The following SNX14 variants were observed in gnomAD, a reference collection of about 807,000 sequenced individuals.
SNX14 encodes sorting nexin 14.
A neutral mutation model predicts 133.8 loss-of-function variants in SNX14; 93 were observed. The observed-to-expected ratio is 0.70, with a 90% CI of 0.59 to 0.83. The LOEUF is 0.83. SNX14 is among the 40% of genes least tolerant of loss of function. The pLI is 0.00. For synonymous variants in SNX14, 368 were observed against 365.6 expected, an observed-to-expected ratio of 1.01 and a Z score of -0.07; for missense variants, 945 against 1,094.9, an observed-to-expected ratio of 0.86 and a Z score of 1.93.
chr6:85,574,375 A>G lies in SNX14; in HGVS notation c.144T>C (p.Tyr48=). 1.3e-6 allele frequency: 2 copies of G among 1,538,072 alleles called. No homozygotes were observed. Among genetic ancestry groups the G allele is most frequent in the Non-Finnish European group, 8.9e-7 (1 of 1,128,708 alleles). ...ACCAGAAGATCATTAAAATATGAAT[A>G]TACCTTAAAAATAAATGAAAATAAT... The part of the protein sequence containing the change: ...LSAASLLLNR[Y]IHILMIFWSF... Residue 48 remains tyrosine, a synonymous_variant, in exon 2 of 29, where the codon TAT becomes TAC. Coordinates refer to ENST00000314673, the MANE Select transcript of SNX14 (RefSeq NM_153816.6).
rs1784320998 is a variant in SNX14 at position 85,543,094 on chromosome 6, T to C, written c.1389+88A>G. On this transcript the variant is annotated intron_variant, in intron 14 of 28. Transcript: ENST00000314673. ...TCTTGTCTTATTTTTCTATTTATTT[T>C]GTTATTTGAATCACTCATCTAATGA... is the stretch of plus-strand genomic sequence containing the variant. The C allele has an allele frequency of 3.3e-6, 4 of 1,216,908 alleles. No homozygotes were observed. In the South Asian group the frequency reaches 6.7e-5, roughly 21 times the overall value. 75.4% of individuals were successfully genotyped at this position (1,216,908 alleles called of 1,614,324 possible).
intron 17 of SNX14, among the ~76,000 whole-genome samples, chr6:85,535,279 T>A (rs1011706815): frequency 1.3e-5 from 2 of 151,686 alleles, no homozygotes; most frequent in South Asian, 2.1e-4. Context: ...TTTCCCAAAG[T>A]ACTGAGATTA....
chr6:85,587,830 G>A (rs1801447886), intron 1 of SNX14, among the ~76,000 whole-genome samples: 2 of 152,168 alleles, frequency 1.3e-5, no homozygotes, highest in Admixed American at 6.5e-5. Context: ...TTTGAATAGA[G>A]CAATTATCAT....
At chr6:85,553,020 A>G (rs1788351942) in intron 7 of SNX14, among the ~76,000 whole-genome samples, 1 of 152,216 alleles carries the variant, frequency 6.6e-6, no homozygotes, top group Admixed American at 6.5e-5. Flanking sequence ...TTTTACATGT[A>G]ATTTTGCTTT....
At chr6:85,591,062 T>C (rs1019487559) in intron 1 of SNX14, among the ~76,000 whole-genome samples, 1 of 152,250 alleles carries the variant, frequency 6.6e-6, no homozygotes, top group East Asian at 1.9e-4. Flanking sequence ...CTCGGATTTC[T>C]GACTTCATAG....
chr6:85,591,220 CTGTG>C (rs5877943), intron 1 of SNX14, among the ~76,000 whole-genome samples: 10 of 150,390 alleles, frequency 6.6e-5, no homozygotes, highest in Admixed American at 1.3e-4. Flanking sequence ...CTCTTATCAT[CTGTG>C]TGTGTGTGTG....
In SNX14 at chr6:85,539,560, A is replaced by G. The variant is rs141864265; in HGVS notation, c.1449-696T>C. Among the ~76,000 whole-genome samples the G allele has an allele frequency of 2.7e-4, 41 of 152,330 alleles. 2 individuals carry two copies. The East Asian group carries it at 7.7e-3, about 29-fold the overall frequency. On this transcript the variant is annotated intron_variant, in intron 15 of 28. Transcript: ENST00000314673. ...ATGTAGACATAAAATATATGAATAC[A>G]TATTTTATGTAATTTAAGTCATGTA...
chr6:85,515,953 G>A (rs16876341), intron 23 of SNX14, among the ~76,000 whole-genome samples: 15,965 of 152,030 alleles, frequency 0.11, 1,184 homozygotes, highest in Admixed American at 0.23. Flanking sequence ...TAATCACTAA[G>A]GCTAAATAAA....
intron 1 of SNX14, among the ~76,000 whole-genome samples, chr6:85,588,116 C>T (rs1013057850): frequency 2.0e-5 from 3 of 151,846 alleles, no homozygotes; most frequent in Non-Finnish European, 2.9e-5. Flanking sequence ...ATAGTGAAAC[C>T]TCGTCTGTAC....
chr6:85,515,262 C>CAAAAAAAA (rs751549621), intron 23 of SNX14, among the ~76,000 whole-genome samples: 3 of 22,772 alleles, frequency 1.3e-4, no homozygotes, highest in African/African-American at 2.7e-4. Flanking sequence ...GCAAGACCGT[C>CAAAAAAAA]AAAAAAAAAA....
intron 6 of SNX14, chr6:85,561,210 C>T (rs1289545002): frequency 6.6e-6 from 1 of 151,246 alleles, no homozygotes; most frequent in African/African-American, 2.4e-5. Flanking sequence ...GGTAGTGGCA[C>T]ACGCCTATAA....
chr6:85,530,043 C>A, intron 19 of SNX14, 149 bp downstream of exon 19: 1 of 503,874 alleles, frequency 2.0e-6, no homozygotes, highest in South Asian at 3.1e-5. Flanking sequence ...ATAAACAGTA[C>A]ATTTCCGTTA....
At chr6:85,590,252 C>A (rs1305987762) in intron 1 of SNX14, among the ~76,000 whole-genome samples, 1 of 152,208 alleles carries the variant, frequency 6.6e-6, no homozygotes, top group Non-Finnish European at 1.5e-5. Flanking sequence ...AGGAACCCAA[C>A]TGCATATCCA....
chr6:85,513,788 T>A lies in SNX14; in HGVS notation c.2653+12A>T, dbSNP rs368212202. On this transcript the variant is annotated intron_variant, in intron 26 of 28. Transcript: ENST00000314673. The stretch of plus-strand genomic sequence containing the variant: ...ATCTATATGAAATTAAGTTACTTCT[T>A]AAATATTACACCTGGAATGTAATTC... 6 of 1,585,474 alleles carry A rather than the reference T, an allele frequency of 3.8e-6. No individual in the cohort carries two copies. The highest frequency in any genetic ancestry group is 2.2e-5 in the East Asian group (1 of 44,610).
chr6:85,547,151 CTT>C lies in SNX14; in HGVS notation c.1067_1068del (p.Gln356ArgfsTer17), dbSNP rs1562294408. ...AACTGCAACACGTGCACTGCGCCTT[CTT>C]GTTTCAGAAAGTTCATAAAACGAAA... Reference protein sequence around the residue: ...LLFRFMNFLKQEGAVHVLQFC... With the variant: ...LLFRFMNFLKXEGAVHVLQFC... On this transcript the variant is annotated frameshift_variant, in exon 12 of 29. Transcript: ENST00000314673. LOFTEE classifies it high-confidence loss of function. 2.5e-6 allele frequency: 4 copies of C among 1,614,014 alleles called. No homozygotes were observed.
chr6:85,545,991 T>C (rs1785372228), intron 12 of SNX14, among the ~76,000 whole-genome samples: 1 of 152,150 alleles, frequency 6.6e-6, no homozygotes, highest in Admixed American at 6.6e-5. Context: ...CCCAAACTAC[T>C]TATTTAGACA....
At chr6:85,582,434 C>A (rs1347248669) in intron 1 of SNX14, among the ~76,000 whole-genome samples, 2 of 150,776 alleles carry the variant, frequency 1.3e-5, no homozygotes, top group Non-Finnish European at 2.9e-5. Context: ...AAAACGAGAA[C>A]TGAAGGAGAT....
At chr6:85,548,238 A>G (rs1786414455) in intron 9 of SNX14, 63 bp downstream of exon 9, 1 of 1,206,190 alleles carries the variant, frequency 8.3e-7, no homozygotes. Flanking sequence ...AAAAATGTTT[A>G]AGATACTAAA....
At chr6:85,583,487 G>A (rs1312936196) in intron 1 of SNX14, among the ~76,000 whole-genome samples, 4 of 152,180 alleles carry the variant, frequency 2.6e-5, no homozygotes, top group African/African-American at 9.7e-5. Context: ...TGACATGATT[G>A]TATATTTAGA....
Sources: allele counts gnomAD v4.1 joint callset (sites outside exome capture counted in the v4.1 genomes callset), GRCh38; gene constraint gnomAD v4.1.1; transcripts MANE v1.5; gene names NCBI Gene and HGNC (gene_info 2026-07-23, HGNC 2026-07-21).